ASCC3: variants seen among roughly 807,000 people sequenced by gnomAD.
ASCC3 encodes ASC-1 complex subunit P200.
ASCC3 carries 158 observed loss-of-function variants against 256.3 expected under a neutral mutation model. The ratio of observed to expected loss-of-function variants is 0.62; its 90% CI spans 0.54 to 0.70. ASCC3 has a LOEUF of 0.70. ASCC3 is among the 30% of genes least tolerant of loss of function. ASCC3 has a pLI of 0.00. For synonymous variants in ASCC3, 948 were observed against 883.4 expected, an observed-to-expected ratio of 1.07 and a Z score of -1.30; for missense variants, 2,259 against 2,626.0, an observed-to-expected ratio of 0.86 and a Z score of 3.05.
intron 16 of ASCC3, among the ~76,000 whole-genome samples, chr6:100,658,447 G>A (rs140645348): frequency 1.5e-3 from 229 of 151,346 alleles, no homozygotes; most frequent in Non-Finnish European, 2.6e-3. Flanking sequence ...GTATGCATGC[G>A]TGTGTATATA....
At position 100,519,375 on chromosome 6, in the gene ASCC3, ATG is replaced by A. The variant is rs942036541; in HGVS notation, c.5776-1235_5776-1234del. ...GTTGGTATAATAGGTATATTTATAT[ATG>A]TGTGTGTGTATGAATGTGTATACAT... On this transcript the variant is annotated intron_variant, in intron 37 of 41. Transcript: ENST00000369162. 1.3e-4 allele frequency among the ~76,000 whole-genome samples: 20 copies of A among 152,048 alleles called. 1 individual carries two copies. Among genetic ancestry groups the A allele is most frequent in the Admixed American group, 1.2e-3 (18 of 15,262 alleles).
At chr6:100,554,990 T>C (rs903143896) in intron 36 of ASCC3, among the ~76,000 whole-genome samples, 1 of 152,020 alleles carries the variant, frequency 6.6e-6, no homozygotes, top group East Asian at 1.9e-4. Flanking sequence ...TCAAACTTTA[T>C]AAATCATATA....
At chr6:100,874,464 C>A (rs1263503660) in intron 1 of ASCC3, among the ~76,000 whole-genome samples, 299 of 77,516 alleles carry the variant, frequency 3.9e-3, no homozygotes, top group East Asian at 0.021. Context: ...GACTCTGTCT[C>A]AAAAAAAAAA....
chr6:100,635,971 A>G (rs1774824019), intron 25 of ASCC3, among the ~76,000 whole-genome samples: 1 of 152,172 alleles, frequency 6.6e-6, no homozygotes, highest in Admixed American at 6.5e-5. Flanking sequence ...CTCACAGTGA[A>G]ATTATCTATG....
At chr6:100,757,427 C>A (rs1270471988) in intron 10 of ASCC3, among the ~76,000 whole-genome samples, 1 of 151,638 alleles carries the variant, frequency 6.6e-6, no homozygotes, top group African/African-American at 2.4e-5. Flanking sequence ...TAACCCTGCT[C>A]TTACCAAAGT....
At chr6:100,691,593 T>C (rs1472223768) in intron 13 of ASCC3, among the ~76,000 whole-genome samples, 1 of 152,134 alleles carries the variant, frequency 6.6e-6, no homozygotes, top group East Asian at 1.9e-4. Context: ...TTCTTGAACA[T>C]AGACTATGTT....
chr6:100,526,738 TAATC>T (rs1774596047), intron 37 of ASCC3, among the ~76,000 whole-genome samples: 1 of 152,200 alleles, frequency 6.6e-6, no homozygotes, highest in African/African-American at 2.4e-5. Context: ...TTTGGAAGAA[TAATC>T]ACTCAGGATT....
At chr6:100,645,282 C>T (rs2114899222) in intron 22 of ASCC3, among the ~76,000 whole-genome samples, 1 of 151,854 alleles carries the variant, frequency 6.6e-6, no homozygotes, top group African/African-American at 2.4e-5. Flanking sequence ...TTATGTGAAA[C>T]TTTATATCTA....
At chr6:100,672,252 G>A (rs989914904) in intron 14 of ASCC3, among the ~76,000 whole-genome samples, 2 of 151,874 alleles carry the variant, frequency 1.3e-5, no homozygotes, top group Middle Eastern at 3.2e-3. Context: ...CAGAATATAA[G>A]CTCCATAAGC....
At chr6:100,863,641 G>T (rs1417407798) in intron 3 of ASCC3, among the ~76,000 whole-genome samples, 3 of 151,828 alleles carry the variant, frequency 2.0e-5, no homozygotes, top group Non-Finnish European at 4.4e-5. Context: ...TCGAGACAGG[G>T]TCTCACTCGA....
rs565542460 is a variant in ASCC3 at position 100,636,387 on chromosome 6, T to C, written c.4122+2214A>G. On this transcript the variant is annotated intron_variant, in intron 25 of 41. Transcript: ENST00000369162. ...CATATAAGATGACAAACTTAATTGA[T>C]AATTGTGTGTGTTCTAACTTCTCCA... Among the ~76,000 whole-genome samples the C allele has an allele frequency of 2.6e-5, 4 of 152,272 alleles. No individual in the cohort carries two copies. In the East Asian group the frequency reaches 7.7e-4, roughly 29 times the overall value.
At chr6:100,711,654 C>T (rs1202785406) in intron 13 of ASCC3, among the ~76,000 whole-genome samples, 4 of 152,070 alleles carry the variant, frequency 2.6e-5, no homozygotes, top group Admixed American at 6.6e-5. Context: ...CACTTGAACC[C>T]GGAAGGTGGA....
At chr6:100,681,725 CA>C (rs10696130) in intron 13 of ASCC3, among the ~76,000 whole-genome samples, 1,784 of 58,516 alleles carry the variant, frequency 0.03, 5 homozygotes, top group South Asian at 0.053. Flanking sequence ...GACTCCGTCT[CA>C]AAAAAAAAAA....
chr6:100,770,452 G>C (rs982715953), intron 8 of ASCC3, among the ~76,000 whole-genome samples: 2 of 151,638 alleles, frequency 1.3e-5, no homozygotes, highest in Non-Finnish European at 2.9e-5. Context: ...TGTATTGAAG[G>C]CTCTATCCAC....
At chr6:100,520,877 T>C (rs1013677586) in intron 37 of ASCC3, among the ~76,000 whole-genome samples, 7 of 152,130 alleles carry the variant, frequency 4.6e-5, no homozygotes, top group East Asian at 3.9e-4. Context: ...ATGTGATGCA[T>C]GACAGTATTT....
intron 8 of ASCC3, among the ~76,000 whole-genome samples, chr6:100,772,030 C>A (rs1404886260): frequency 6.6e-6 from 1 of 151,938 alleles, no homozygotes; most frequent in Admixed American, 6.5e-5. Flanking sequence ...CAGGCGCCAG[C>A]CACCAGGCAT....
chr6:100,623,821 T>A (rs192966591), intron 30 of ASCC3, among the ~76,000 whole-genome samples: 1 of 152,176 alleles, frequency 6.6e-6, no homozygotes, highest in East Asian at 1.9e-4. Context: ...TCATAAAGGA[T>A]CATACTAACA....
intron 34 of ASCC3, among the ~76,000 whole-genome samples, chr6:100,598,257 G>A (rs902086672): frequency 6.6e-6 from 1 of 152,112 alleles, no homozygotes; most frequent in Non-Finnish European, 1.5e-5. Flanking sequence ...GAAAGCAGCT[G>A]CCACAACTAC....
At chr6:100,602,241 T>A (rs912837987) in intron 33 of ASCC3, among the ~76,000 whole-genome samples, 2 of 152,002 alleles carry the variant, frequency 1.3e-5, no homozygotes, top group Non-Finnish European at 2.9e-5. Context: ...TAAAGAAGTA[T>A]GTTATAATTT....
Sources: allele counts gnomAD v4.1 joint callset (sites outside exome capture counted in the v4.1 genomes callset), GRCh38; gene constraint gnomAD v4.1.1; transcripts MANE v1.5; gene names NCBI Gene and HGNC (gene_info 2026-07-23, HGNC 2026-07-21).